Variants in BCOR observed in about 807,000 individuals in gnomAD.
BCOR encodes the protein BCL6 corepressor.
BCOR carries 10 observed loss-of-function variants against 86.7 expected under a neutral mutation model. The ratio of observed to expected loss-of-function variants is 0.12; its 90% CI spans 0.07 to 0.20. The LOEUF (loss-of-function observed/expected upper bound fraction) is 0.20. Among genes scored for constraint, BCOR ranks in the 10% least tolerant of loss-of-function variants. BCOR has a pLI of 1.00. For synonymous variants in BCOR, 611 were observed against 609.0 expected, an observed-to-expected ratio of 1.00 and a Z score of -0.05; for missense variants, 1,259 against 1,452.1, an observed-to-expected ratio of 0.87 and a Z score of 2.16.
At chrX:40,154,974 A>ACACG (rs1472852082) in intron 1 of BCOR, among the ~76,000 whole-genome samples, 16 of 110,563 alleles carry the variant, frequency 1.4e-4, no homozygotes, top group Non-Finnish European at 5.7e-5. Context: ...GCACACACAC[A>ACACG]CACGCACGCG....
At chrX:40,175,492 A>G (rs1938726124) in intron 1 of BCOR, among the ~76,000 whole-genome samples, 1 of 113,456 alleles carries the variant, frequency 8.8e-6, no homozygotes, top group African/African-American at 3.2e-5. Context: ...TGCGCACACG[A>G]GAGGTGAAGG....
intron 1 of BCOR, among the ~76,000 whole-genome samples, chrX:40,135,120 GGAAGAACGC>G (rs1236413099): frequency 4.5e-5 from 5 of 111,815 alleles, no homozygotes; most frequent in Non-Finnish European, 9.4e-5. Flanking sequence ...GGAGCTGCAA[GGAAGAACGC>G]GAATCTTTGG....
chrX:40,081,421 T>C (rs1472742991), intron 1 of BCOR, among the ~76,000 whole-genome samples: 1 of 112,256 alleles, frequency 8.9e-6, no homozygotes, highest in Non-Finnish European at 1.9e-5. Context: ...GAAGCTGCTG[T>C]TGAAATAGCT....
chrX:40,172,086 T>C (rs1035745583), intron 1 of BCOR, among the ~76,000 whole-genome samples: 3 of 112,454 alleles, frequency 2.7e-5, no homozygotes, highest in African/African-American at 6.5e-5. Context: ...TTTCGCGAGC[T>C]GAAAGTAAAG....
chrX:40,120,143 G>A (rs928033500), intron 1 of BCOR, among the ~76,000 whole-genome samples: 12 of 111,294 alleles, frequency 1.1e-4, no homozygotes, highest in Non-Finnish European at 2.3e-4. Context: ...GCATGGCCCA[G>A]GCTTCCAGAG....
chrX:40,096,191 G>A (rs1296011793), intron 1 of BCOR, among the ~76,000 whole-genome samples: 1 of 112,167 alleles, frequency 8.9e-6, no homozygotes, highest in Non-Finnish European at 1.9e-5. Flanking sequence ...CGCCCTCCGA[G>A]TGGGACCAAC....
chrX:40,104,673 C>G (rs1490462375), intron 1 of BCOR, among the ~76,000 whole-genome samples: 1 of 112,297 alleles, frequency 8.9e-6, no homozygotes, highest in Non-Finnish European at 1.9e-5. Flanking sequence ...CCAAGTCTAC[C>G]GTCTCCAAGC....
intron 1 of BCOR, among the ~76,000 whole-genome samples, chrX:40,090,576 C>T (rs1465685479): frequency 9.0e-6 from 1 of 111,607 alleles, no homozygotes; most frequent in Non-Finnish European, 1.9e-5. Flanking sequence ...CCACCCCCGC[C>T]TACTGTGGCC....
chrX:40,130,917 C>T (rs1039131299), intron 1 of BCOR, among the ~76,000 whole-genome samples: 9 of 111,661 alleles, frequency 8.1e-5, no homozygotes, highest in Non-Finnish European at 1.9e-5. Flanking sequence ...AGCCACCCCC[C>T]ACCTTCCCTG....
At chrX:40,118,625 T>C (rs1455453111) in intron 1 of BCOR, among the ~76,000 whole-genome samples, 2 of 111,500 alleles carry the variant, frequency 1.8e-5, no homozygotes, top group African/African-American at 3.3e-5. Flanking sequence ...CTTCACCCCC[T>C]CTTAACCGCA....
At chrX:40,070,911 T>G (rs1476369529) in intron 6 of BCOR, 62 bp downstream of exon 6, 5 of 1,102,304 alleles carry the variant, frequency 4.5e-6, no homozygotes, top group Non-Finnish European at 6.3e-6. Context: ...GCAGCCCATT[T>G]CTCCAAGCAG....
At chrX:40,145,708 A>G (rs1938033865) in intron 1 of BCOR, among the ~76,000 whole-genome samples, 1 of 111,572 alleles carries the variant, frequency 9.0e-6, no homozygotes, top group South Asian at 3.8e-4. Context: ...GCAAAGGCAC[A>G]AACAGGGTCC....
At chrX:40,149,299 C>A (rs1282274175) in intron 1 of BCOR, among the ~76,000 whole-genome samples, 1 of 111,247 alleles carries the variant, frequency 9.0e-6, no homozygotes, top group Non-Finnish European at 1.9e-5. Context: ...TGCATCACAT[C>A]CTCTTGTGCA....
In BCOR at chrX:40,094,443, G is replaced by A. The variant is rs1371371537; in HGVS notation, c.-41+2772C>T. On this transcript the variant is annotated intron_variant, in intron 1 of 14. Transcript: ENST00000378444. ...GGTAGGGGGCCCACAGGCACTGGCC[G>A]CTCCGAGCGCACCACGGGTCCTCTC... Among the ~76,000 whole-genome samples, 10 of 113,019 alleles carry A rather than the reference G, an allele frequency of 8.8e-5. No homozygotes were observed. The Admixed American group carries it at 9.2e-4, about 10-fold the overall frequency.
chrX:40,086,935 G>T (rs1479249963), intron 1 of BCOR, among the ~76,000 whole-genome samples: 2 of 113,593 alleles, frequency 1.8e-5, no homozygotes, highest in Non-Finnish European at 3.7e-5. Flanking sequence ...AAGGAAGCAT[G>T]CGTTTGTCAG....
chrX:40,098,238 C>T (rs1322766311), upstream of BCOR, among the ~76,000 whole-genome samples: 1 of 109,396 alleles, frequency 9.1e-6, no homozygotes, highest in Non-Finnish European at 1.9e-5. Flanking sequence ...AAAGGTTTGC[C>T]CGAGTTTCCC....
At chrX:40,092,378 C>T (rs1936658730) in intron 1 of BCOR, among the ~76,000 whole-genome samples, 2 of 111,262 alleles carry the variant, frequency 1.8e-5, no homozygotes, top group African/African-American at 6.5e-5. Flanking sequence ...ATACCCTAGC[C>T]GGAGTTTACG....
chrX:40,066,750 C>T (rs1026153910), intron 6 of BCOR, among the ~76,000 whole-genome samples: 2 of 111,446 alleles, frequency 1.8e-5, no homozygotes, highest in Non-Finnish European at 3.8e-5. Context: ...TTAAAGTGTA[C>T]TCATTTCCCC....
chrX:40,119,353 G>A (rs951196926), intron 1 of BCOR, among the ~76,000 whole-genome samples: 1 of 108,954 alleles, frequency 9.2e-6, no homozygotes, highest in Non-Finnish European at 1.9e-5. Flanking sequence ...TTTTAAAGTG[G>A]GCAAAGGTTT....
Sources: gnomAD v4.1 joint callset for allele counts (sites outside exome capture counted in the v4.1 genomes callset) on GRCh38, gnomAD v4.1.1 for gene constraint, MANE v1.5 for transcripts, NCBI Gene and HGNC (gene_info 2026-07-23, HGNC 2026-07-21) for gene names.